Variants in SNURF observed in about 807,000 individuals in gnomAD.
SNURF encodes SNRPN upstream open reading frame.
A neutral mutation model predicts 11.6 loss-of-function variants in SNURF; 6 were observed. That is an observed-to-expected ratio of 0.52 (90% confidence interval 0.28 to 1.02). The LOEUF is 1.02. Ranked by LOEUF, SNURF falls within the 50% of genes least tolerant of loss-of-function variation. SNURF has a pLI of 0.09. For missense variants in SNURF, 84 were observed against 88.4 expected (o/e 0.95, Z 0.20); for synonymous variants, 29 against 31.6 (o/e 0.92, Z 0.27).
At chr15:24,968,025 A>C in exon 3 of SNURF, 2 of 1,614,106 alleles carry the variant, frequency 1.2e-6, no homozygotes, top group Non-Finnish European at 1.7e-6. Flanking sequence ...CTGAGACACC[A>C]AGAGGTGGTT....
downstream of SNURF, among the ~76,000 whole-genome samples, chr15:24,969,084 A>G (rs146441518): frequency 7.9e-5 from 12 of 152,088 alleles, no homozygotes; most frequent in Non-Finnish European, 1.2e-4. Context: ...TTATCCTTCA[A>G]CTTGAATCAG....
chr15:24,962,830 A>G (rs554764265), intron 2 of SNURF, among the ~76,000 whole-genome samples: 2 of 152,298 alleles, frequency 1.3e-5, no homozygotes, highest in East Asian at 3.9e-4. Context: ...ATTGCCATTA[A>G]AATTTTGATG....
chr15:24,955,027 C>T (rs781733715), exon 1 of SNURF: 3 of 1,612,902 alleles, frequency 1.9e-6, no homozygotes, highest in Non-Finnish European at 2.5e-6. Context: ...ACGCATCTGT[C>T]TGAGGAGCGG....
intron 1 of SNURF, among the ~76,000 whole-genome samples, chr15:24,957,889 C>T (rs1188864170): frequency 6.6e-6 from 1 of 152,014 alleles, no homozygotes; most frequent in South Asian, 2.1e-4. Flanking sequence ...ATGGCAGATC[C>T]CTTTGGAAAG....
chr15:24,976,757 A>G, intron 5 of SNURF: 2 of 869,050 alleles, frequency 2.3e-6, no homozygotes, highest in East Asian at 2.5e-5. Flanking sequence ...TCATTTGGAC[A>G]CAGAACTAAT....
At chr15:24,964,604 T>A (rs1351150029) in intron 2 of SNURF, among the ~76,000 whole-genome samples, 1 of 152,162 alleles carries the variant, frequency 6.6e-6, no homozygotes, top group Non-Finnish European at 1.5e-5. Flanking sequence ...AGCCTCTCCC[T>A]TCATTCTTTT....
downstream of SNURF, chr15:24,978,287 G>A (rs1177734347): frequency 6.2e-6 from 10 of 1,613,960 alleles, no homozygotes; most frequent in African/African-American, 5.3e-5. Flanking sequence ...TGCCGCCTCC[G>A]GGAATGAGAC....
At chr15:24,977,861 C>T (rs1314803039), downstream of SNURF, 1 of 1,612,498 alleles carries the variant, frequency 6.2e-7, no homozygotes, top group East Asian at 2.2e-5. Context: ...CAACACAGTA[C>T]CCACCAGGAC....
downstream of SNURF, among the ~76,000 whole-genome samples, chr15:24,971,901 G>A (rs550466535): frequency 1.6e-4 from 25 of 152,300 alleles, no homozygotes; most frequent in African/African-American, 6.0e-4. Flanking sequence ...CTCATTCACA[G>A]TCATGATCCT....
intron 1 of SNURF, among the ~76,000 whole-genome samples, chr15:24,957,156 G>A (rs1171980604): frequency 2.6e-5 from 4 of 151,946 alleles, no homozygotes; most frequent in Non-Finnish European, 5.9e-5. Context: ...TTAAGATTCA[G>A]TTATCCTTCT....
chr15:24,968,058 G>A (rs1306776444), exon 3 of SNURF: 1 of 1,608,022 alleles, frequency 6.2e-7, no homozygotes, highest in Non-Finnish European at 8.5e-7. Context: ...GAGTAGCGAG[G>A]AATCTGATTC....
chr15:24,963,368 G>A (rs2075136672), intron 2 of SNURF, among the ~76,000 whole-genome samples: 1 of 152,170 alleles, frequency 6.6e-6, no homozygotes, highest in African/African-American at 2.4e-5. Flanking sequence ...TGTAATCCCA[G>A]CACTTTGGGA....
exon 5 of SNURF, chr15:24,976,367 G>A (rs755610165): frequency 3.7e-6 from 6 of 1,613,244 alleles, no homozygotes; most frequent in Admixed American, 1.7e-5. Context: ...GTGTTGCTGC[G>A]TGGGGAGAAC....
intron 2 of SNURF, among the ~76,000 whole-genome samples, chr15:24,964,094 A>AT (rs141844738): frequency 0.14 from 20,385 of 150,058 alleles, 2,452 homozygotes; most frequent in African/African-American, 0.33. Context: ...GAGGGTAAAG[A>AT]TTTTTTTTTT....
chr15:24,978,546 A>T (rs1596356770), downstream of SNURF: 7 of 1,004,252 alleles, frequency 7.0e-6, no homozygotes, highest in East Asian at 1.7e-4. Context: ...TGCATTAATA[A>T]TAGCTAATAA....
exon 5 of SNURF, chr15:24,976,356 G>C: frequency 6.2e-7 from 1 of 1,613,310 alleles, no homozygotes; most frequent in Non-Finnish European, 8.5e-7. Context: ...TTTTGGGTCT[G>C]GTGTTGCTGC....
chr15:24,976,263 T>A (rs779426425), intron 4 of SNURF: 8 of 1,404,986 alleles, frequency 5.7e-6, no homozygotes, highest in Non-Finnish European at 8.1e-6. Flanking sequence ...GAGTGAGTGA[T>A]CACTAAAATT....
At chr15:24,973,547 A>G (rs866072009), downstream of SNURF, among the ~76,000 whole-genome samples, 32 of 151,850 alleles carry the variant, frequency 2.1e-4, no homozygotes, top group African/African-American at 7.7e-4. Context: ...ACAGGCACCC[A>G]CCACCATGCC....
downstream of SNURF, among the ~76,000 whole-genome samples, chr15:24,972,167 A>G (rs1439384288): frequency 6.6e-6 from 1 of 151,830 alleles, no homozygotes; most frequent in Non-Finnish European, 1.5e-5. Context: ...GAGGCAGGAG[A>G]ACCACTTGAA....
Sources: allele counts gnomAD v4.1 joint callset (sites outside exome capture counted in the v4.1 genomes callset), GRCh38; gene constraint gnomAD v4.1.1; transcripts MANE v1.5; gene names NCBI Gene and HGNC (gene_info 2026-07-23, HGNC 2026-07-21).